TMTC2: variants seen among roughly 807,000 people sequenced by gnomAD.
The protein encoded by TMTC2 is protein O-mannosyl-transferase TMTC2.
TMTC2 carries 43 observed loss-of-function variants against 82.4 expected under a neutral mutation model. That is an observed-to-expected ratio of 0.52 (90% confidence interval 0.41 to 0.67). The LOEUF is 0.67. Among genes scored for constraint, TMTC2 ranks in the 30% least tolerant of loss-of-function variants. The pLI is 0.00. For missense variants in TMTC2, 919 were observed against 1,012.4 expected (o/e 0.91, Z 1.25); for synonymous variants, 408 against 381.9 (o/e 1.07, Z -0.80).
intron 7 of TMTC2, 45 bp from the exon 8 acceptor site, chr12:82,985,880 A>G (rs775671866): frequency 6.3e-7 from 1 of 1,593,158 alleles, no homozygotes; most frequent in Admixed American, 1.7e-5. Context: ...TAATGTGGAA[A>G]AGCTGTATCC....
chr12:83,128,391 A>G (rs902025374), intron 11 of TMTC2, among the ~76,000 whole-genome samples: 2 of 151,812 alleles, frequency 1.3e-5, no homozygotes, highest in Non-Finnish European at 2.9e-5. Flanking sequence ...ACATTTAGTC[A>G]TTTATGGCTT....
At chr12:82,998,892 A>G (rs966970798) in intron 8 of TMTC2, among the ~76,000 whole-genome samples, 2 of 152,178 alleles carry the variant, frequency 1.3e-5, no homozygotes, top group Non-Finnish European at 2.9e-5. Context: ...AATGCAATTA[A>G]TTTTTAATAA....
intron 2 of TMTC2, among the ~76,000 whole-genome samples, chr12:82,859,675 G>A (rs545580095): frequency 6.6e-6 from 1 of 152,274 alleles, no homozygotes; most frequent in South Asian, 2.1e-4. Flanking sequence ...AATAAGAAAT[G>A]CCACTAGCAA....
At chr12:82,825,533 A>T (rs572842713) in intron 1 of TMTC2, among the ~76,000 whole-genome samples, 23 of 152,176 alleles carry the variant, frequency 1.5e-4, no homozygotes, top group Admixed American at 7.9e-4. Context: ...CTTTTCACGT[A>T]TTTTATAGGT....
chr12:83,016,872 T>TAA (rs1880703130), intron 8 of TMTC2, among the ~76,000 whole-genome samples: 1 of 152,152 alleles, frequency 6.6e-6, no homozygotes. Context: ...TATAATAGTA[T>TAA]TTTAGGGCTT....
intron 11 of TMTC2, among the ~76,000 whole-genome samples, chr12:83,087,153 G>A (rs2138910): frequency 0.2 from 30,250 of 152,014 alleles, 3,959 homozygotes; most frequent in African/African-American, 0.36. Flanking sequence ...CATCTTCCCC[G>A]GGAACAGATT....
intron 10 of TMTC2, 60 bp downstream of exon 10, chr12:83,051,078 G>A (rs1882328596): frequency 7.2e-6 from 9 of 1,242,502 alleles, no homozygotes; most frequent in African/African-American, 3.0e-5. Flanking sequence ...TTAATTATAC[G>A]AATTTTCCCA....
intron 11 of TMTC2, among the ~76,000 whole-genome samples, chr12:83,108,589 G>A (rs186598786): frequency 9.6e-4 from 144 of 149,726 alleles, no homozygotes; most frequent in African/African-American, 2.8e-3. Context: ...AAGATCGCGC[G>A]ACTGCACTCC....
intron 2 of TMTC2, among the ~76,000 whole-genome samples, chr12:82,869,249 T>A (rs542374406): frequency 6.6e-6 from 1 of 152,242 alleles, no homozygotes; most frequent in East Asian, 1.9e-4. Flanking sequence ...AGACTAGAGA[T>A]GACAGCACAA....
At chr12:82,875,374 G>GTA (rs1555193327) in intron 2 of TMTC2, among the ~76,000 whole-genome samples, 2,367 of 150,830 alleles carry the variant, frequency 0.016, 75 homozygotes, top group African/African-American at 0.055. Flanking sequence ...ATATATGTGT[G>GTA]TATATATATA....
rs147485931 is a variant in TMTC2, at chr12:82,991,260, A to G, written c.2070+5214A>G. ...GGAGTTTTTTTTTCCCATTTGGTGTATGTGATTAAACTGATTGGAGATTGG... is the reference window on the plus strand; with the variant it reads ...GGAGTTTTTTTTTCCCATTTGGTGTGTGTGATTAAACTGATTGGAGATTGG... On this transcript the variant is annotated intron_variant, in intron 8 of 11. Coordinates refer to ENST00000321196, the MANE Select transcript of TMTC2 (RefSeq NM_152588.3). Among the ~76,000 whole-genome samples the G allele has an allele frequency of 4.6e-3, 696 of 152,058 alleles. 9 individuals carry two copies. The highest frequency in any genetic ancestry group is 0.016 in the African/African-American group (669 of 41,498).
intron 11 of TMTC2, among the ~76,000 whole-genome samples, chr12:83,078,625 T>A (rs980865146): frequency 6.6e-6 from 1 of 152,204 alleles, no homozygotes; most frequent in Non-Finnish European, 1.5e-5. Flanking sequence ...AACCTGCATT[T>A]TTGGTGATAC....
At chr12:83,101,347 A>G (rs1488560917) in intron 11 of TMTC2, among the ~76,000 whole-genome samples, 1 of 152,234 alleles carries the variant, frequency 6.6e-6, no homozygotes, top group Non-Finnish European at 1.5e-5. Context: ...TAAAGGCTAA[A>G]CTGAGAATGA....
chr12:82,809,192 A>G lies in TMTC2; in HGVS notation c.84-47818A>G, dbSNP rs12318016. ...TAATGACCAATAATATGCATTGGTC[A>G]TAGGAAGAATATTCCAAATCTAGTT... On this transcript the variant is annotated intron_variant, in intron 1 of 11. Coordinates refer to ENST00000321196, the MANE Select transcript of TMTC2 (RefSeq NM_152588.3). Among the ~76,000 whole-genome samples, 549 of 152,110 alleles carry G rather than the reference A, an allele frequency of 3.6e-3. 3 individuals are homozygous for G. The highest frequency in any genetic ancestry group is 0.013 in the African/African-American group (531 of 41,558).
chr12:82,865,783 T>C (rs1233413799), intron 2 of TMTC2, among the ~76,000 whole-genome samples: 1 of 152,222 alleles, frequency 6.6e-6, no homozygotes, highest in South Asian at 2.1e-4. Context: ...TCAGCAAATG[T>C]AAAAGAACAG....
chr12:82,724,469 G>A (rs531141302), intron 1 of TMTC2, among the ~76,000 whole-genome samples: 5 of 152,218 alleles, frequency 3.3e-5, no homozygotes, highest in Middle Eastern at 3.4e-3. Flanking sequence ...GTTCTCATGA[G>A]ATCTGATGGT....
intron 1 of TMTC2, among the ~76,000 whole-genome samples, chr12:82,813,844 G>C (rs1868537165): frequency 6.6e-6 from 1 of 152,094 alleles, no homozygotes; most frequent in African/African-American, 2.4e-5. Flanking sequence ...CTGTGTGCCA[G>C]ATATTCTAGT....
Position 82,750,896 on chromosome 12 carries a change from T to C in TMTC2, c.83+63227T>C, listed in dbSNP as rs192830077. 1.4e-3 allele frequency among the ~76,000 whole-genome samples: 213 copies of C among 152,286 alleles called. 3 individuals carry two copies. Among genetic ancestry groups the C allele is most frequent in the Non-Finnish European group, 1.6e-4 (11 of 68,024 alleles). On this transcript the variant is annotated intron_variant, in intron 1 of 11. Transcript: ENST00000321196. The stretch of plus-strand genomic sequence containing the variant: ...TTGATTGAACAAATTCCAGTTTTTT[T>C]TGAACGAGGAAACTGTTAAGAAAAG...
At chr12:82,923,096 C>T (rs1458034710) in intron 3 of TMTC2, among the ~76,000 whole-genome samples, 1 of 152,144 alleles carries the variant, frequency 6.6e-6, no homozygotes, top group Admixed American at 6.5e-5. Context: ...AATGTCTGCC[C>T]CGGGCCACAC....
Sources: allele counts gnomAD v4.1 joint callset (sites outside exome capture counted in the v4.1 genomes callset), GRCh38; gene constraint gnomAD v4.1.1; transcripts MANE v1.5; gene names NCBI Gene and HGNC (gene_info 2026-07-23, HGNC 2026-07-21).